Variants in HAUS6 observed in about 807,000 individuals in gnomAD.
The protein encoded by HAUS6 is HAUS augmin-like complex subunit 6.
HAUS6 carries 80 observed loss-of-function variants against 106.8 expected under a neutral mutation model. That is an observed-to-expected ratio of 0.75 (90% CI 0.63 to 0.90). The LOEUF is 0.90. Among genes scored for constraint, HAUS6 ranks in the 40% least tolerant of loss-of-function variants. The pLI is 0.00. For missense variants in HAUS6, 1,155 were observed against 1,118.1 expected (o/e 1.03, Z -0.47); for synonymous variants, 356 against 379.1 (o/e 0.94, Z 0.71).
chr9:19,060,023 G>A (rs41269001), intron 15 of HAUS6, 65 bp downstream of exon 15: 3 of 1,283,878 alleles, frequency 2.3e-6, no homozygotes, highest in Admixed American at 4.2e-5. Flanking sequence ...GATCTGTCAG[G>A]CCATGGTTCT....
intron 5 of HAUS6, among the ~76,000 whole-genome samples, chr9:19,087,806 G>T (rs575394612): frequency 7.8e-6 from 1 of 128,598 alleles, no homozygotes; most frequent in African/African-American, 2.9e-5. Context: ...TCATGCCACT[G>T]CACTCTAGTC....
Position 19,057,965 on chromosome 9 carries a change from T to C in HAUS6, c.2802A>G (p.Leu934=). Residue 934 remains leucine, a synonymous_variant, in exon 16 of 17, where the codon TTA becomes TTG. Coordinates refer to ENST00000380502, the MANE Select transcript of HAUS6 (RefSeq NM_017645.5). Reference sequence around the variant, plus strand: ...ATAGGTCTATTTAAACCTTACCCTTTAAATTAGGTAGTTCTCCAAGACTAC... The same window carrying C: ...ATAGGTCTATTTAAACCTTACCCTTCAAATTAGGTAGTTCTCCAAGACTAC... ...IACSLGELPN[L]KEEDILNKSL... is the part of the protein sequence containing the mutation. 2.5e-6 allele frequency: 4 copies of C among 1,588,820 alleles called. No individual in the cohort carries two copies. Among genetic ancestry groups the C allele is most frequent in the Non-Finnish European group, 3.4e-6 (4 of 1,162,490 alleles).
intron 5 of HAUS6, 133 bp downstream of exon 5, chr9:19,089,279 G>C (rs1453941109): frequency 3.3e-6 from 2 of 613,810 alleles, no homozygotes; most frequent in East Asian, 5.6e-5. Flanking sequence ...AGAAGAAGAA[G>C]TTATCTGACT....
intron 12 of HAUS6, among the ~76,000 whole-genome samples, chr9:19,066,806 C>G (rs1196902654): frequency 1.9e-5 from 2 of 107,632 alleles, no homozygotes; most frequent in Admixed American, 1.4e-4. Context: ...CCAGCCTGGG[C>G]AACATAGTGA....
chr9:19,092,858 G>A (rs1425482532), intron 4 of HAUS6, among the ~76,000 whole-genome samples: 1 of 147,954 alleles, frequency 6.8e-6, no homozygotes, highest in Non-Finnish European at 1.5e-5. Flanking sequence ...CTGGGAGGCA[G>A]AGGTTGGAGT....
chr9:19,085,330 C>A (rs1457793094), intron 7 of HAUS6, among the ~76,000 whole-genome samples: 5 of 152,078 alleles, frequency 3.3e-5, no homozygotes. Context: ...ATAGGTTCTG[C>A]AAATTATTTT....
rs773017843 is a variant in HAUS6 at position 19,056,415 on chromosome 9, A to T, written c.2807-11T>A. 1.0e-5 allele frequency: 15 copies of T among 1,482,478 alleles called. No homozygotes were observed. Among genetic ancestry groups the T allele is most frequent in the Middle Eastern group, 1.7e-4 (1 of 5,802 alleles). 91.8% of individuals were successfully genotyped at this position (1,482,478 alleles called of 1,614,324 possible). The stretch of plus-strand genomic sequence containing the variant: ...TCAAAATGTCTTCTTCTGCAAATTG[A>T]TTTTAAAAAAGTATAAGCAAACATT... On this transcript the variant is annotated splice_polypyrimidine_tract_variant and intron_variant, in intron 16 of 16. Transcript: ENST00000380502.
At chr9:19,086,079 A>G (rs917496904) in intron 7 of HAUS6, among the ~76,000 whole-genome samples, 2 of 151,932 alleles carry the variant, frequency 1.3e-5, no homozygotes, top group African/African-American at 4.8e-5. Context: ...TGGGAGACTG[A>G]GGCGGGCAGA....
chr9:19,078,350 C>T, intron 9 of HAUS6, 48 bp from the exon 10 acceptor site: 1 of 1,125,396 alleles, frequency 8.9e-7, no homozygotes, highest in Non-Finnish European at 1.3e-6. Context: ...ACAAAAAAAG[C>T]ACTGAGTAAA....
intron 12 of HAUS6, among the ~76,000 whole-genome samples, chr9:19,068,588 T>C (rs1345686809): frequency 6.6e-6 from 1 of 152,202 alleles, no homozygotes; most frequent in African/African-American, 2.4e-5. Flanking sequence ...TGGCATAGAA[T>C]GATGAGTGCT....
intron 1 of HAUS6, 113 bp downstream of exon 1, chr9:19,102,411 G>A: frequency 8.5e-7 from 1 of 1,178,408 alleles, no homozygotes; most frequent in Non-Finnish European, 1.2e-6. Flanking sequence ...GCCTGGCACA[G>A]AGTAACTGCT....
At chr9:19,073,350 G>A (rs1836918700) in intron 11 of HAUS6, among the ~76,000 whole-genome samples, 1 of 151,822 alleles carries the variant, frequency 6.6e-6, no homozygotes, top group African/African-American at 2.4e-5. Flanking sequence ...GTATAGGAAG[G>A]CGGAAAAGGT....
chr9:19,067,757 C>T (rs573795415), intron 12 of HAUS6, among the ~76,000 whole-genome samples: 1 of 152,180 alleles, frequency 6.6e-6, no homozygotes, highest in East Asian at 1.9e-4. Context: ...GGTGCAACCT[C>T]GGCTCGCCGC....
At position 19,078,305 on chromosome 9, in the gene HAUS6, A is replaced by G. The variant is rs1041201072; in HGVS notation, c.1065-3T>C. 6 of 1,412,680 alleles carry G rather than the reference A, an allele frequency of 4.2e-6. No homozygotes were observed. The African/African-American group carries it at 4.3e-5, about 10-fold the overall frequency. 87.5% of individuals were successfully genotyped at this position (1,412,680 alleles called of 1,614,324 possible). On this transcript the variant is annotated splice_polypyrimidine_tract_variant and splice_region_variant and intron_variant, in intron 9 of 16. Transcript: ENST00000380502. Reference sequence around the variant, plus strand: ...TGAGATCATCTTTTATTCTATACCTATAATAGCATAAAAAAACTTTATTCA... The same window carrying G: ...TGAGATCATCTTTTATTCTATACCTGTAATAGCATAAAAAAACTTTATTCA...
intron 11 of HAUS6, among the ~76,000 whole-genome samples, chr9:19,072,003 A>G: frequency 6.6e-6 from 1 of 151,826 alleles, no homozygotes; most frequent in East Asian, 1.9e-4. Context: ...CAGGAGTTTG[A>G]GACCAGCCTG....
rs746792405 is a variant in HAUS6 at position 19,057,803 on chromosome 9, G to T, written c.2806+158C>A. ...ATATACATAAACAGAGATTCTGAAA[G>T]GACCTGTCCAGTGAGGGATCATTCC... On this transcript the variant is annotated intron_variant, in intron 16 of 16. Coordinates refer to ENST00000380502, the MANE Select transcript of HAUS6 (RefSeq NM_017645.5). 5 of 546,670 alleles carry T rather than the reference G, an allele frequency of 9.1e-6. No individual in the cohort carries two copies. In the South Asian group the frequency reaches 1.5e-4, roughly 17 times the overall value. The allele number at this position is 546,670 out of a possible 1,614,324, so 33.9% of individuals were successfully genotyped here.
At chr9:19,099,542 G>A (rs1292093721) in intron 1 of HAUS6, among the ~76,000 whole-genome samples, 2 of 152,050 alleles carry the variant, frequency 1.3e-5, no homozygotes, top group Admixed American at 6.5e-5. Flanking sequence ...ATAGCTCACT[G>A]TAGCCTCAAA....
chr9:19,091,688 A>C (rs1817752528), intron 4 of HAUS6, among the ~76,000 whole-genome samples: 1 of 152,006 alleles, frequency 6.6e-6, no homozygotes, highest in Non-Finnish European at 1.5e-5. Flanking sequence ...TTTGAGACTG[A>C]GTCTGCTCTA....
chr9:19,063,641 C>T (rs373513344), intron 12 of HAUS6, 61 bp from the exon 13 acceptor site: 37 of 1,087,202 alleles, frequency 3.4e-5, no homozygotes, highest in African/African-American at 7.7e-5. Context: ...ATTCCCTTTA[C>T]GAGTCTATTC....
Sources: allele counts gnomAD v4.1 joint callset (sites outside exome capture counted in the v4.1 genomes callset), GRCh38; gene constraint gnomAD v4.1.1; transcripts MANE v1.5; gene names NCBI Gene and HGNC (gene_info 2026-07-23, HGNC 2026-07-21).